Variants in FAM184B observed in about 807,000 individuals in gnomAD.
The protein encoded by FAM184B is family with sequence similarity 184 member B.
A neutral mutation model predicts 135.9 loss-of-function variants in FAM184B; 111 were observed. The observed-to-expected ratio is 0.82, with a 90% CI of 0.70 to 0.96. The LOEUF (loss-of-function observed/expected upper bound fraction) is 0.96, where lower values mean the gene tolerates loss of function less well. Ranked by LOEUF, FAM184B falls within the 40% of genes least tolerant of loss-of-function variation. FAM184B has a pLI of 0.00. For synonymous variants in FAM184B, 552 were observed against 524.8 expected, an observed-to-expected ratio of 1.05 and a Z score of -0.71; for missense variants, 1,375 against 1,323.9, an observed-to-expected ratio of 1.04 and a Z score of -0.60.
chr4:17,711,007 T>C (rs1252864755), intron 1 of FAM184B, among the ~76,000 whole-genome samples: 4 of 152,122 alleles, frequency 2.6e-5, no homozygotes, highest in African/African-American at 9.7e-5. Context: ...GTTTGCTTGA[T>C]GAGAGATTCC....
At chr4:17,698,241 C>G (rs986126161) in intron 5 of FAM184B, among the ~76,000 whole-genome samples, 24 of 152,176 alleles carry the variant, frequency 1.6e-4, no homozygotes, top group Non-Finnish European at 3.4e-4. Flanking sequence ...ACTCTATTCT[C>G]ACTGAACTTT....
At position 17,664,564 on chromosome 4, in the gene FAM184B, T is replaced by C. The variant is rs1715999841; in HGVS notation, c.1692A>G (p.Glu564=). The C allele has an allele frequency of 6.4e-7, 1 of 1,550,852 alleles. No individual in the cohort carries two copies. The highest frequency in any genetic ancestry group is 2.0e-5 in the Admixed American group (1 of 50,892). The change falls in exon 8 of 18, where the codon GAA becomes GAG. Residue 564 remains glutamate (E), a splice_region_variant and synonymous_variant. Coordinates refer to ENST00000265018, the MANE Select transcript of FAM184B (RefSeq NM_015688.2). ...AEEGTSSDEE[E]RTKVLLKEGS... ...GAAGTCTGCATGTCCTCCTGTACCT[T>C]TCTTCTTCATCACTGCTGGTTCCTT...
rs115642744 is a variant in FAM184B at position 17,642,248 on chromosome 4, G to A, written c.2347-20C>T. On this transcript the variant is annotated intron_variant, in intron 12 of 17. Coordinates refer to ENST00000265018, the MANE Select transcript of FAM184B (RefSeq NM_015688.2). ...CCGCTCCTGAGGAAGGCAACCAGGA[G>A]AGGTGTTTTCAGGAGGCGCAGGGGC... The A allele has an allele frequency of 2.9e-3, 4,282 of 1,463,664 alleles. 135 individuals carry two copies. The African/African-American group carries it at 0.057, about 19-fold the overall frequency. 90.7% of individuals were successfully genotyped at this position (1,463,664 alleles called of 1,614,324 possible). A position where few individuals can be genotyped will look rare whatever the true frequency, so the allele number is the denominator to read the frequency against.
chr4:17,672,802 A>C (rs1716209372), intron 7 of FAM184B, among the ~76,000 whole-genome samples: 1 of 152,078 alleles, frequency 6.6e-6, no homozygotes, highest in Non-Finnish European at 1.5e-5. Flanking sequence ...AAGGATTTTT[A>C]GCATCTATGT....
intron 14 of FAM184B, among the ~76,000 whole-genome samples, chr4:17,637,999 C>CTT (rs1553827482): frequency 9.3e-4 from 1 of 1,072 alleles, no homozygotes; most frequent in Non-Finnish European, 6.0e-3. Flanking sequence ...CTCCCTCTCA[C>CTT]TGATGCCTCA....
At chr4:17,675,017 A>T (rs1229343484) in intron 7 of FAM184B, among the ~76,000 whole-genome samples, 2 of 152,228 alleles carry the variant, frequency 1.3e-5, no homozygotes, top group Non-Finnish European at 2.9e-5. Flanking sequence ...ATAAATCATG[A>T]ATCATGAATA....
At chr4:17,682,235 C>T (rs1716459138) in intron 7 of FAM184B, among the ~76,000 whole-genome samples, 1 of 152,146 alleles carries the variant, frequency 6.6e-6, no homozygotes, top group East Asian at 1.9e-4. Flanking sequence ...AAAAAATTTT[C>T]CCTCAGAATG....
At chr4:17,724,242 A>T (rs1487839385) in intron 1 of FAM184B, among the ~76,000 whole-genome samples, 3 of 152,182 alleles carry the variant, frequency 2.0e-5, no homozygotes, top group Non-Finnish European at 2.9e-5. Flanking sequence ...ATTATGGGTG[A>T]TCAATTTTTC....
At chr4:17,661,484 G>A (rs775921734) in intron 8 of FAM184B, among the ~76,000 whole-genome samples, 10 of 151,552 alleles carry the variant, frequency 6.6e-5, no homozygotes, top group Non-Finnish European at 1.5e-4. Flanking sequence ...CTCAGGAGGC[G>A]GAGGTTGCAG....
intron 2 of FAM184B, among the ~76,000 whole-genome samples, 178 bp downstream of exon 2, chr4:17,708,714 C>CTG (rs71167327): frequency 0.47 from 26,839 of 56,638 alleles, 6,212 homozygotes; most frequent in Admixed American, 0.52. Flanking sequence ...TATATAGTGT[C>CTG]TGTGTGTGTG....
intron 1 of FAM184B, among the ~76,000 whole-genome samples, chr4:17,740,602 G>C (rs925666356): frequency 6.6e-6 from 1 of 152,164 alleles, no homozygotes; most frequent in Non-Finnish European, 1.5e-5. Context: ...CCTTGGAAGA[G>C]AGCTGCTGTC....
chr4:17,754,352 G>C (rs1291740980), intron 1 of FAM184B, among the ~76,000 whole-genome samples: 1 of 152,066 alleles, frequency 6.6e-6, no homozygotes, highest in Non-Finnish European at 1.5e-5. Context: ...GGCAGTTTGA[G>C]ACTAGCCTGA....
At chr4:17,768,526 C>T (rs897007620) in intron 1 of FAM184B, among the ~76,000 whole-genome samples, 5 of 152,150 alleles carry the variant, frequency 3.3e-5, no homozygotes, top group Admixed American at 1.3e-4. Flanking sequence ...TTACCCGCCT[C>T]GGCCTCCCAA....
intron 1 of FAM184B, among the ~76,000 whole-genome samples, chr4:17,724,438 C>T (rs1717597571): frequency 6.6e-6 from 1 of 152,196 alleles, no homozygotes; most frequent in Non-Finnish European, 1.5e-5. Context: ...AAGGAAGGGC[C>T]AAGTCCTGAG....
chr4:17,662,364 G>C, intron 8 of FAM184B, among the ~76,000 whole-genome samples: 1 of 150,910 alleles, frequency 6.6e-6, no homozygotes, highest in South Asian at 2.1e-4. Context: ...TTGAAATGGA[G>C]TCTTGTTCTG....
chr4:17,665,689 T>A (rs1270308029), intron 7 of FAM184B, among the ~76,000 whole-genome samples: 1 of 152,178 alleles, frequency 6.6e-6, no homozygotes, highest in Non-Finnish European at 1.5e-5. Flanking sequence ...CATCCACCCT[T>A]GATCTGGAAC....
intron 7 of FAM184B, among the ~76,000 whole-genome samples, chr4:17,687,978 C>T (rs1018596735): frequency 5.3e-5 from 8 of 152,164 alleles, no homozygotes; most frequent in Admixed American, 2.6e-4. Flanking sequence ...TTTCTACCCT[C>T]AAGCGGCGTC....
chr4:17,721,252 C>T (rs1391912261), intron 1 of FAM184B, among the ~76,000 whole-genome samples: 15 of 151,774 alleles, frequency 9.9e-5, no homozygotes, highest in African/African-American at 3.1e-4. Context: ...GGCGTAGTGG[C>T]GGACGCCTGT....
At chr4:17,773,644 CTT>C (rs1304766268) in intron 1 of FAM184B, among the ~76,000 whole-genome samples, 1 of 152,170 alleles carries the variant, frequency 6.6e-6, no homozygotes, top group Non-Finnish European at 1.5e-5. Flanking sequence ...GCGGCACAAT[CTT>C]GGGTCACTGC....
Sources: allele counts gnomAD v4.1 joint callset (sites outside exome capture counted in the v4.1 genomes callset), GRCh38; gene constraint gnomAD v4.1.1; transcripts MANE v1.5; gene names NCBI Gene and HGNC (gene_info 2026-07-23, HGNC 2026-07-21).